Variants in ABR observed in about 807,000 individuals in gnomAD.
ABR encodes the protein active breakpoint cluster region-related protein.
ABR carries 35 observed loss-of-function variants against 107.2 expected under a neutral mutation model. The ratio of observed to expected loss-of-function variants is 0.33; its 90% confidence interval spans 0.25 to 0.43. ABR has a LOEUF of 0.43. Ranked by LOEUF, ABR falls within the 20% of genes least tolerant of loss-of-function variation. The pLI, the probability that ABR is intolerant of heterozygous loss-of-function variation, is 1.00. For missense variants in ABR, 815 were observed against 1,115.2 expected (o/e 0.73, Z 3.83); for synonymous variants, 498 against 462.0 (o/e 1.08, Z -1.00).
At chr17:1,132,629 G>A (rs1167557609) in intron 1 of ABR, among the ~76,000 whole-genome samples, 5 of 151,852 alleles carry the variant, frequency 3.3e-5, no homozygotes, top group Admixed American at 6.6e-5. Flanking sequence ...CACCCACCTC[G>A]GCCTCCCAAA....
rs2070782290 is a variant in ABR, at chr17:1,013,178, A to G, written c.1792-14T>C. On this transcript the variant is annotated splice_polypyrimidine_tract_variant and intron_variant, in intron 16 of 22. Coordinates refer to ENST00000302538, the MANE Select transcript of ABR (RefSeq NM_021962.5). The stretch of plus-strand genomic sequence containing the variant: ...TTGTGGGTCCAGCTGCAGAGAGAGA[A>G]TGTGGGTGAGAGAGGTGCCAGCTCG... 1 of 1,613,842 alleles carries G rather than the reference A, an allele frequency of 6.2e-7. No individual in the cohort carries two copies.
In ABR at chr17:1,125,217, A is replaced by T; in HGVS notation, c.212T>A (p.Val71Asp). The stretch of plus-strand genomic sequence containing the variant: ...CAGTCCCTCAGGTGGAGTCGGGGAG[A>T]CGCCATCCCCCCCGCCCTGGCTGCG... Reference protein sequence around the residue: ...SARSQGGGDGVSPTPPEGLAP... With the variant: ...SARSQGGGDGDSPTPPEGLAP... The change falls in exon 2 of 23, where the codon GTC (valine) becomes GAC (aspartate). Residue 71 changes from valine to aspartate, a missense_variant. By Grantham distance (152) the Val-to-Asp change is radical. Coordinates refer to ENST00000302538, the MANE Select transcript of ABR (RefSeq NM_021962.5). 1 of 1,604,076 alleles carries T rather than the reference A, an allele frequency of 6.2e-7. No individual in the cohort carries two copies. Among genetic ancestry groups the T allele is most frequent in the Non-Finnish European group, 8.5e-7 (1 of 1,174,056 alleles).
At chr17:1,034,160 G>A (rs747234229) in intron 16 of ABR, among the ~76,000 whole-genome samples, 2 of 151,728 alleles carry the variant, frequency 1.3e-5, no homozygotes, top group Admixed American at 6.6e-5. Flanking sequence ...TCGCAGAGAC[G>A]AGGTTTCACC....
At chr17:1,199,184 T>C (rs2042626574) in intron 1 of ABR, among the ~76,000 whole-genome samples, 1 of 150,026 alleles carries the variant, frequency 6.7e-6, no homozygotes, top group Non-Finnish European at 1.5e-5. Flanking sequence ...GAATGCCTGG[T>C]TCTGGAAAAC....
rs540402243 is a variant in ABR, at chr17:1,051,334, C to T, written c.1562-700G>A. ...CCTGCCTGCCGGTGTACCCGCAGTA[C>T]CAAGAACAGGGCTGGGAACCCAGCT... On this transcript the variant is annotated intron_variant, in intron 14 of 22. Coordinates refer to ENST00000302538, the MANE Select transcript of ABR (RefSeq NM_021962.5). The surrounding 1 kb of genome is among the most constrained non-coding windows in gnomAD (Gnocchi z 4.3). Among the ~76,000 whole-genome samples the T allele has an allele frequency of 2.6e-5, 4 of 152,296 alleles. No individual in the cohort carries two copies. In the East Asian group the frequency reaches 7.7e-4, roughly 29 times the overall value.
rs1416563541 is a variant in ABR, at chr17:1,113,277, G to GGTTTTTTTTTTTTTTTTTTTTTTTTT, written c.246+11905_246+11906insAAAAAAAAAAAAAAAAAAAAAAAAAC. ...GGGATAACATGGAAACACCTATTGC[G>GGTTTTTTTTTTTTTTTTTTTTTTTTT]ATTTTTTTTTTTTTTTTTTTTTTTT... On this transcript the variant is annotated intron_variant, in intron 2 of 22. Transcript: ENST00000302538. Among the ~76,000 whole-genome samples, 13 of 88,172 alleles carry GGTTTTTTTTTTTTTTTTTTTTTTTTT rather than the reference G, an allele frequency of 1.5e-4. 5 individuals are homozygous for GGTTTTTTTTTTTTTTTTTTTTTTTTT. Among genetic ancestry groups the GGTTTTTTTTTTTTTTTTTTTTTTTTT allele is most frequent in the African/African-American group, 2.0e-4 (4 of 19,730 alleles). 57.8% of individuals were successfully genotyped at this position (88,172 alleles called of 152,430 possible). A position where few individuals can be genotyped will look rare whatever the true frequency, so the allele number is the denominator to read the frequency against.
At chr17:1,082,995 G>A (rs2036349426) in intron 5 of ABR, among the ~76,000 whole-genome samples, 1 of 151,882 alleles carries the variant, frequency 6.6e-6, no homozygotes, top group South Asian at 2.1e-4. Flanking sequence ...GTGGTGGTGT[G>A]CGCCTGTAAT....
intron 1 of ABR, among the ~76,000 whole-genome samples, chr17:1,194,955 AT>A (rs1404642234): frequency 3.6e-5 from 5 of 139,734 alleles, no homozygotes; most frequent in Non-Finnish European, 3.1e-5. Flanking sequence ...CCCGACCCTA[AT>A]TTTTTTTTTA....
At chr17:1,006,190 G>A (rs758976634) in intron 22 of ABR, 21 bp from the exon 23 acceptor site, 80 of 1,548,288 alleles carry the variant, frequency 5.2e-5, no homozygotes, top group African/African-American at 1.8e-4. Context: ...ACAGGAAGGC[G>A]GAGGCTGGGC....
chr17:1,048,245 G>T (rs904770688), intron 16 of ABR, among the ~76,000 whole-genome samples: 6 of 152,248 alleles, frequency 3.9e-5, no homozygotes, highest in Non-Finnish European at 7.3e-5. Flanking sequence ...GAAGCAGGGT[G>T]CAGACCCCAC....
chr17:1,042,517 G>A (rs142324559), intron 16 of ABR, among the ~76,000 whole-genome samples: 953 of 70,182 alleles, frequency 0.014, 11 homozygotes, highest in African/African-American at 0.039. Flanking sequence ...ATCCACGGAC[G>A]GATGGATAAA....
At chr17:1,045,193 A>T (rs974162219) in intron 16 of ABR, among the ~76,000 whole-genome samples, 1 of 152,246 alleles carries the variant, frequency 6.6e-6, no homozygotes, top group Non-Finnish European at 1.5e-5. Flanking sequence ...TTTCTTTCTC[A>T]TACAAACATT....
At chr17:1,196,898 G>T (rs899156295) in intron 1 of ABR, among the ~76,000 whole-genome samples, 2 of 151,930 alleles carry the variant, frequency 1.3e-5, no homozygotes, top group Admixed American at 6.6e-5. Flanking sequence ...GTTTCACCGT[G>T]TTAGCCAGGA....
chr17:1,110,705 G>A (rs1456764277), intron 2 of ABR, among the ~76,000 whole-genome samples: 1 of 152,198 alleles, frequency 6.6e-6, no homozygotes, highest in Non-Finnish European at 1.5e-5. Context: ...CCTGGAGAGA[G>A]GCTCCATCCT....
Position 1,091,916 on chromosome 17 carries a change from C to T in ABR, c.346-66G>A, listed in dbSNP as rs1014695632. On this transcript the variant is annotated intron_variant, in intron 3 of 22. Coordinates refer to ENST00000302538, the MANE Select transcript of ABR (RefSeq NM_021962.5). ...AACAAACCAGAGTGTCGGCAGGCCC[C>T]GGGGCCGATCGTTAGCCCTTCCCGC... 3.5e-5 allele frequency: 52 copies of T among 1,497,648 alleles called. 1 individual carries two copies. The South Asian group carries it at 4.0e-4, about 12-fold the overall frequency. The allele number at this position is 1,497,648 out of a possible 1,614,324, so 92.8% of individuals were successfully genotyped here.
intron 1 of ABR, among the ~76,000 whole-genome samples, chr17:1,130,602 G>GC (rs1424168225): frequency 3.3e-5 from 5 of 152,044 alleles, no homozygotes; most frequent in African/African-American, 7.2e-5. Context: ...TTCAGTAGTG[G>GC]CCCCCCCACA....
intron 2 of ABR, among the ~76,000 whole-genome samples, chr17:1,106,019 C>T (rs1206097584): frequency 2.0e-5 from 3 of 152,182 alleles, no homozygotes; most frequent in African/African-American, 7.2e-5. Flanking sequence ...TGGCATGAAA[C>T]ATTTTTGGCA....
Position 1,078,795 on chromosome 17 carries a change from C to G in ABR, c.700+535G>C. Reference sequence around the variant, plus strand: ...AGGTGGGAGGGTCCGCCACCTCCCACAGCGAGCACCTGGGTTACCATAGGT... The same window carrying G: ...AGGTGGGAGGGTCCGCCACCTCCCAGAGCGAGCACCTGGGTTACCATAGGT... On this transcript the variant is annotated intron_variant, in intron 6 of 22. Transcript: ENST00000302538. This position sits in a 1 kb window ranked among gnomAD's most constrained non-coding sequence, Gnocchi z 7.5. 6.5e-7 allele frequency: 1 copy of G among 1,535,328 alleles called. No homozygotes were observed. Among genetic ancestry groups the G allele is most frequent in the Non-Finnish European group, 8.7e-7 (1 of 1,146,650 alleles).
intron 1 of ABR, among the ~76,000 whole-genome samples, chr17:1,127,365 C>T (rs1316483890): frequency 2.0e-5 from 3 of 152,220 alleles, no homozygotes; most frequent in South Asian, 4.1e-4. Flanking sequence ...GTGTAGGCCA[C>T]GCACCTAGGA....
Sources: gnomAD v4.1 joint callset for allele counts (sites outside exome capture counted in the v4.1 genomes callset) on GRCh38, gnomAD v4.1.1 for gene constraint, Gnocchi (gnomAD v3.1) non-coding constraint, MANE v1.5 for transcripts, NCBI Gene and HGNC (gene_info 2026-07-23, HGNC 2026-07-21) for gene names.